Variants in NRG1 observed in about 807,000 individuals in gnomAD.
NRG1 encodes the protein pro-neuregulin-1, membrane-bound isoform.
In NRG1, 18 loss-of-function variants were observed where a neutral mutation model predicts 63.8. That is an observed-to-expected ratio of 0.28 (90% CI 0.19 to 0.42). NRG1 has a LOEUF of 0.42. Ranked by LOEUF, NRG1 falls within the 10% of genes least tolerant of loss-of-function variation. The pLI, the probability that NRG1 is intolerant of heterozygous loss-of-function variation, is 1.00. For missense variants in NRG1, 762 were observed against 814.7 expected (o/e 0.94, Z 0.79); for synonymous variants, 302 against 301.3 (o/e 1.00, Z -0.02).
chr8:32,157,723 TAG>T (rs1018245180), intron 1 of NRG1, among the ~76,000 whole-genome samples: 1 of 150,366 alleles, frequency 6.7e-6, no homozygotes, highest in African/African-American at 2.4e-5. Flanking sequence ...TATCTATATA[TAG>T]AGAGAATAAA....
At chr8:31,872,439 A>T (rs1244251444) in intron 1 of NRG1, among the ~76,000 whole-genome samples, 9 of 152,186 alleles carry the variant, frequency 5.9e-5, no homozygotes, top group African/African-American at 2.2e-4. Flanking sequence ...TTGTTTCAAG[A>T]GTAGGTCCAG....
chr8:32,659,129 A>ATCTTT (rs1202768080), intron 5 of NRG1, among the ~76,000 whole-genome samples: 15 of 145,034 alleles, frequency 1.0e-4, no homozygotes, highest in African/African-American at 3.0e-4. Flanking sequence ...GCAGTAATAA[A>ATCTTT]TCTTTTCTTT....
intron 1 of NRG1, among the ~76,000 whole-genome samples, chr8:32,430,587 T>A (rs1817997213): frequency 6.6e-6 from 1 of 152,174 alleles, no homozygotes; most frequent in Non-Finnish European, 1.5e-5. Flanking sequence ...TACTAATATC[T>A]GACAACTTGC....
At chr8:31,803,885 C>G (rs996711121) in intron 1 of NRG1, among the ~76,000 whole-genome samples, 1 of 152,148 alleles carries the variant, frequency 6.6e-6, no homozygotes, top group Non-Finnish European at 1.5e-5. Flanking sequence ...AGACACATTT[C>G]CATCTCAGGG....
At chr8:32,566,843 A>ATTTTG (rs147553505) in intron 1 of NRG1, among the ~76,000 whole-genome samples, 19 of 150,780 alleles carry the variant, frequency 1.3e-4, no homozygotes, top group South Asian at 4.2e-4. Context: ...AGAAAGTAGC[A>ATTTTG]TTTTGTTTTG....
chr8:31,700,446 C>A (rs1810518802), intron 1 of NRG1, among the ~76,000 whole-genome samples: 2 of 152,154 alleles, frequency 1.3e-5, no homozygotes, highest in African/African-American at 4.8e-5. Context: ...AACTACAGCT[C>A]CCGATCTCAT....
At chr8:32,607,381 A>G (rs1845449197) in intron 3 of NRG1, among the ~76,000 whole-genome samples, 1 of 152,082 alleles carries the variant, frequency 6.6e-6, no homozygotes, top group South Asian at 2.1e-4. Context: ...ATGGTATTCA[A>G]TTGTGATTTT....
At chr8:32,536,704 C>T (rs1832005715) in intron 1 of NRG1, among the ~76,000 whole-genome samples, 2 of 151,078 alleles carry the variant, frequency 1.3e-5, no homozygotes, top group Non-Finnish European at 1.5e-5. Context: ...AGGTGGATCA[C>T]GAGATCAGAA....
intron 1 of NRG1, among the ~76,000 whole-genome samples, chr8:31,909,855 T>C (rs73673934): frequency 0.017 from 2,559 of 152,290 alleles, 71 homozygotes; most frequent in African/African-American, 0.057. Flanking sequence ...TTCCCAGTAA[T>C]GTCCTTTGGT....
intron 1 of NRG1, among the ~76,000 whole-genome samples, chr8:31,645,320 A>G (rs886458100): frequency 6.6e-5 from 10 of 152,238 alleles, no homozygotes; most frequent in African/African-American, 2.4e-4. Context: ...TTTACAGAAT[A>G]TACAAATTCA....
intron 7 of NRG1, among the ~76,000 whole-genome samples, chr8:32,752,282 GCAGCAGCTTCAAC>G (rs1395135255): frequency 6.6e-6 from 1 of 152,124 alleles, no homozygotes; most frequent in African/African-American, 2.4e-5. Flanking sequence ...AGAGGCTACA[GCAGCAGCTTCAAC>G]CAGATAACAC....
chr8:31,913,099 G>A (rs956983567), intron 1 of NRG1, among the ~76,000 whole-genome samples: 1 of 152,066 alleles, frequency 6.6e-6, no homozygotes, highest in African/African-American at 2.4e-5. Context: ...TGGGCACTGA[G>A]GTTTAAAGAG....
At chr8:32,196,602 G>T (rs1177192664) in intron 1 of NRG1, among the ~76,000 whole-genome samples, 1 of 151,958 alleles carries the variant, frequency 6.6e-6, no homozygotes, top group Non-Finnish European at 1.5e-5. Flanking sequence ...GAACAGAGAA[G>T]GAGGCAGTTT....
chr8:32,249,120 C>T (rs1339735496), intron 1 of NRG1, among the ~76,000 whole-genome samples: 5 of 152,076 alleles, frequency 3.3e-5, no homozygotes, highest in Admixed American at 6.6e-5. Context: ...CCTAATTTAG[C>T]GACACCATCC....
At chr8:32,074,919 A>G (rs538722797) in intron 1 of NRG1, among the ~76,000 whole-genome samples, 1 of 152,368 alleles carries the variant, frequency 6.6e-6, no homozygotes, top group South Asian at 2.1e-4. Flanking sequence ...AAAGGTATAT[A>G]GTAGTTAAAA....
At chr8:32,522,362 C>T (rs1436292539) in intron 1 of NRG1, among the ~76,000 whole-genome samples, 1 of 152,162 alleles carries the variant, frequency 6.6e-6, no homozygotes, top group Non-Finnish European at 1.5e-5. Context: ...TCTTTACCTC[C>T]CCCACAGCTG....
At chr8:31,921,987 C>T (rs1461448946) in intron 1 of NRG1, among the ~76,000 whole-genome samples, 1 of 152,138 alleles carries the variant, frequency 6.6e-6, no homozygotes, top group African/African-American at 2.4e-5. Flanking sequence ...CCTGAACACA[C>T]ATTGTGATCA....
chr8:31,863,414 C>T (rs1318240228), intron 1 of NRG1, among the ~76,000 whole-genome samples: 1 of 152,102 alleles, frequency 6.6e-6, no homozygotes. Flanking sequence ...TTTAATGTTA[C>T]CTGCCAAGAT....
chr8:31,846,042 G>T (rs1826657847), intron 1 of NRG1, among the ~76,000 whole-genome samples: 1 of 152,104 alleles, frequency 6.6e-6, no homozygotes, highest in Non-Finnish European at 1.5e-5. Context: ...CCATGAAAGG[G>T]CTATAAATGT....
Sources: gnomAD v4.1 joint callset for allele counts (sites outside exome capture counted in the v4.1 genomes callset) on GRCh38, gnomAD v4.1.1 for gene constraint, MANE v1.5 for transcripts, NCBI Gene and HGNC (gene_info 2026-07-23, HGNC 2026-07-21) for gene names.